The following CACNG3 variants were observed in gnomAD, a reference collection of about 807,000 sequenced individuals.
CACNG3 encodes voltage-dependent calcium channel gamma-3 subunit.
CACNG3 carries 3 observed loss-of-function variants against 28.5 expected under a neutral mutation model. The observed-to-expected ratio is 0.11, with a 90% CI of 0.05 to 0.27. The LOEUF (loss-of-function observed/expected upper bound fraction) is 0.27. Among genes scored for constraint, CACNG3 ranks in the 10% least tolerant of loss-of-function variants. The pLI is 1.00. For synonymous variants in CACNG3, 174 were observed against 162.2 expected (o/e 1.07, Z -0.55); for missense variants, 236 against 414.4 (o/e 0.57, Z 3.74).
chr16:24,285,452 G>A (rs528650267), intron 1 of CACNG3, among the ~76,000 whole-genome samples: 6 of 152,164 alleles, frequency 3.9e-5, no homozygotes, highest in South Asian at 4.2e-4. Context: ...AGTAACTACC[G>A]TTAACTGCTA....
chr16:24,272,980 ATCT>A (rs1239821010), intron 1 of CACNG3, among the ~76,000 whole-genome samples: 11 of 152,050 alleles, frequency 7.2e-5, no homozygotes, highest in Admixed American at 5.9e-4. Context: ...ATTTTTCCTG[ATCT>A]TCTCCCTTCT....
rs1292245741 is a variant in CACNG3 at position 24,326,135 on chromosome 16, A to G, written c.212-20599A>G. Among the ~76,000 whole-genome samples, 12 of 151,690 alleles carry G rather than the reference A, an allele frequency of 7.9e-5. No homozygotes were observed. In the East Asian group the frequency reaches 2.1e-3, roughly 27 times the overall value. ...CCCAGCCCACTAGCTTAGCCACTCA[A>G]TGGAAAATAACATTTTTCTTTTTTG... On this transcript the variant is annotated intron_variant, in intron 1 of 3. Coordinates refer to ENST00000005284, the MANE Select transcript of CACNG3 (RefSeq NM_006539.4).
In CACNG3 at chr16:24,301,886, A is replaced by G. The variant is rs534221281; in HGVS notation, c.212-44848A>G. On this transcript the variant is annotated intron_variant, in intron 1 of 3. Transcript: ENST00000005284. ...CTATTCTCCTCCTCTGGACCTGTCC[A>G]TAGCTGTATTTCCTTTCTGCTTTCT... is the stretch of plus-strand genomic sequence containing the variant. Among the ~76,000 whole-genome samples the G allele has an allele frequency of 2.4e-4, 37 of 152,300 alleles. No individual in the cohort carries two copies. The South Asian group carries it at 6.2e-3, about 26-fold the overall frequency.
At chr16:24,333,950 C>T (rs1165503201) in intron 1 of CACNG3, among the ~76,000 whole-genome samples, 1 of 152,184 alleles carries the variant, frequency 6.6e-6, no homozygotes, top group Non-Finnish European at 1.5e-5. Flanking sequence ...ATTTTTCAAG[C>T]TTCCCTTCCC....
At position 24,361,295 on chromosome 16, in the gene CACNG3, G is replaced by A. The variant is rs1900098945; in HGVS notation, c.437-57G>A. The A allele has an allele frequency of 7.8e-7, 1 of 1,282,362 alleles. No homozygotes were observed. The highest frequency in any genetic ancestry group is 1.1e-6 in the Non-Finnish European group (1 of 921,284). 79.4% of individuals were successfully genotyped at this position (1,282,362 alleles called of 1,614,324 possible). A position where few individuals can be genotyped will look rare whatever the true frequency, so the allele number is the denominator to read the frequency against. The stretch of plus-strand genomic sequence containing the variant: ...TTCTATAAATATTTTAAGATGGAAA[G>A]TGACAGTTCTCTCCGAGGTGTATAA... On this transcript the variant is annotated intron_variant, in intron 3 of 3. Transcript: ENST00000005284. This position sits in a 1 kb window ranked among gnomAD's most constrained non-coding sequence, Gnocchi z 6.8.
chr16:24,335,968 A>T (rs1421783562), intron 1 of CACNG3, among the ~76,000 whole-genome samples: 2 of 151,982 alleles, frequency 1.3e-5, no homozygotes, highest in Admixed American at 6.5e-5. Context: ...GGCCTCCCAA[A>T]GTGCTGGGAT....
At chr16:24,316,326 A>T (rs1596639850) in intron 1 of CACNG3, among the ~76,000 whole-genome samples, 1 of 149,206 alleles carries the variant, frequency 6.7e-6, no homozygotes, top group East Asian at 2.0e-4. Context: ...CCCCTGAAAC[A>T]TGCCCCCACG....
At chr16:24,356,975 G>A (rs571676852) in intron 3 of CACNG3, among the ~76,000 whole-genome samples, 4 of 152,116 alleles carry the variant, frequency 2.6e-5, no homozygotes, top group African/African-American at 4.8e-5. Context: ...ATCAGATCAT[G>A]CCTGTAATCC....
At chr16:24,349,999 C>T (rs780022898) in intron 2 of CACNG3, among the ~76,000 whole-genome samples, 49 of 152,142 alleles carry the variant, frequency 3.2e-4, no homozygotes, top group Non-Finnish European at 5.0e-4. Flanking sequence ...AAGCTTATGT[C>T]CCCACCCTTA....
At chr16:24,287,448 G>T (rs1004720119) in intron 1 of CACNG3, among the ~76,000 whole-genome samples, 2 of 150,524 alleles carry the variant, frequency 1.3e-5, no homozygotes, top group East Asian at 3.9e-4. Context: ...AACCCAAGAG[G>T]CGGAGGTTGC....
At chr16:24,284,231 T>C in intron 1 of CACNG3, among the ~76,000 whole-genome samples, 1 of 152,230 alleles carries the variant, frequency 6.6e-6, no homozygotes, top group Non-Finnish European at 1.5e-5. Flanking sequence ...GTGTTATTTT[T>C]GTTAAGGTTT....
intron 1 of CACNG3, among the ~76,000 whole-genome samples, chr16:24,303,518 AG>A (rs1397156506): frequency 6.6e-6 from 1 of 152,022 alleles, no homozygotes; most frequent in Non-Finnish European, 1.5e-5. Flanking sequence ...TTAACTTCTC[AG>A]GGAATCTTCC....
Position 24,256,951 on chromosome 16 carries a change from C to T in CACNG3, c.197C>T (p.Thr66Ile). 1.2e-6 allele frequency: 2 copies of T among 1,607,228 alleles called. No individual in the cohort carries two copies. The highest frequency in any genetic ancestry group is 1.7e-6 in the Non-Finnish European group (2 of 1,173,724). Residue 66 changes from threonine to isoleucine, a missense_variant, in exon 1 of 4, where the codon ACC becomes ATC. Physicochemically the swap from Thr to Ile is moderately conservative, Grantham distance 89 (BLOSUM62 -1). This residue lies in a region of CACNG3 where 120 missense variants were observed against 263.4 expected (regional missense o/e 0.46). Transcript: ENST00000005284. This position sits in a 1 kb window ranked among gnomAD's most constrained non-coding sequence, Gnocchi z 4.6. ...EVMTHSGLWRTCCLEGAFRGV... is the reference protein window; with the variant it reads ...EVMTHSGLWRICCLEGAFRGV... ...ATGACCCATTCGGGGCTGTGGAGGA[C>T]CTGCTGCCTAGAAGGTATTTACAAT...
chr16:24,277,102 G>A (rs979800847), intron 1 of CACNG3, among the ~76,000 whole-genome samples: 2 of 152,110 alleles, frequency 1.3e-5, no homozygotes, highest in African/African-American at 4.8e-5. Flanking sequence ...GGCCACGAAT[G>A]TTTTTGTTTG....
In CACNG3 at chr16:24,354,141, G is replaced by A. The variant is rs371352127; in HGVS notation, c.296-692G>A. Among the ~76,000 whole-genome samples the A allele has an allele frequency of 2.4e-4, 37 of 152,270 alleles. 1 individual carries two copies. In the East Asian group the frequency reaches 4.8e-3, roughly 20 times the overall value. On this transcript the variant is annotated intron_variant, in intron 2 of 3. Transcript: ENST00000005284. ...CTGGAAGGTGAGGCTACAGTGAGCCGTGATTGCACCACTGCACTCCAGCCA... is the reference window on the plus strand; with the variant it reads ...CTGGAAGGTGAGGCTACAGTGAGCCATGATTGCACCACTGCACTCCAGCCA...
chr16:24,340,902 C>T (rs776999277), intron 1 of CACNG3, among the ~76,000 whole-genome samples: 2 of 152,222 alleles, frequency 1.3e-5, no homozygotes, highest in South Asian at 2.1e-4. Flanking sequence ...CCAGACCAAA[C>T]GCCATTGATC....
At chr16:24,284,796 C>T (rs1371319937) in intron 1 of CACNG3, among the ~76,000 whole-genome samples, 1 of 152,078 alleles carries the variant, frequency 6.6e-6, no homozygotes, top group East Asian at 1.9e-4. Context: ...TTTTGGCATC[C>T]TAACTACTAT....
chr16:24,358,207 T>C (rs1015591044), intron 3 of CACNG3, among the ~76,000 whole-genome samples: 1 of 152,256 alleles, frequency 6.6e-6, no homozygotes, highest in African/African-American at 2.4e-5. Flanking sequence ...CAATTCTTAA[T>C]TGAGCACCTA....
At chr16:24,283,062 T>A in intron 1 of CACNG3, among the ~76,000 whole-genome samples, 1 of 151,632 alleles carries the variant, frequency 6.6e-6, no homozygotes, top group Non-Finnish European at 1.5e-5. Context: ...TAGAGACGAG[T>A]TTTCACTGTG....
Sources: gnomAD v4.1 joint callset for allele counts (sites outside exome capture counted in the v4.1 genomes callset) on GRCh38, gnomAD v4.1.1 for gene constraint, gnomAD v4.1.1 regional missense constraint, Gnocchi (gnomAD v3.1) non-coding constraint, MANE v1.5 for transcripts, NCBI Gene and HGNC (gene_info 2026-07-23, HGNC 2026-07-21) for gene names.